DRICH1: variants seen among roughly 807,000 people sequenced by gnomAD.
DRICH1 encodes aspartate-rich protein 1.
Under a neutral mutation model 39.5 loss-of-function variants are expected in DRICH1, and 38 were observed. The ratio of observed to expected loss-of-function variants is 0.96; its 90% CI spans 0.74 to 1.26. The LOEUF is 1.26. DRICH1 is among the 50% of genes most tolerant of loss of function. The pLI, the probability that DRICH1 is intolerant of heterozygous loss-of-function variation, is 0.00. For synonymous variants in DRICH1, 84 were observed against 99.5 expected (o/e 0.84, Z 0.93); for missense variants, 279 against 270.4 (o/e 1.03, Z -0.22).
chr22:23,597,886 C>T, the DRICH1 span, among the ~76,000 whole-genome samples: 4 of 152,162 alleles, frequency 2.6e-5, no homozygotes, highest in South Asian at 2.1e-4. Flanking sequence ...CCCTGAAATA[C>T]GCTCCCCCTC....
At chr22:23,627,926 C>G (rs1294695419) in intron 1 of DRICH1, among the ~76,000 whole-genome samples, 2 of 152,162 alleles carry the variant, frequency 1.3e-5, no homozygotes, top group Admixed American at 6.5e-5. Flanking sequence ...CCCATGGGGC[C>G]TAACATGTTC....
chr22:23,585,963 G>A, the DRICH1 span, among the ~76,000 whole-genome samples: 1 of 152,186 alleles, frequency 6.6e-6, no homozygotes, highest in African/African-American at 2.4e-5. Context: ...ATTCTTGTCT[G>A]TTTTTTATCT....
At chr22:23,583,104 G>A in the DRICH1 span, 2 of 152,270 alleles carry the variant, frequency 1.3e-5, no homozygotes, top group African/African-American at 4.8e-5. Context: ...GAGGGATGGT[G>A]AGGGTTCCTG....
In DRICH1 at chr22:23,627,511, T is replaced by G. The variant is rs549013232; in HGVS notation, c.209-1463A>C. 2.6e-5 allele frequency among the ~76,000 whole-genome samples: 4 copies of G among 152,208 alleles called. No homozygotes were observed. In the East Asian group the frequency reaches 7.7e-4, roughly 29 times the overall value. ...CCTCCCCTGGTGTTTTCTTGCAAAA[T>G]AGTTTGCAGCTCTGCTCCTACCATA... On this transcript the variant is annotated intron_variant, in intron 1 of 11. Coordinates refer to ENST00000317749, the MANE Select transcript of DRICH1 (RefSeq NM_016449.4).
rs769250752 is a variant in DRICH1, at chr22:23,616,841, C to G, written c.541+12G>C. 5.6e-6 allele frequency: 9 copies of G among 1,613,962 alleles called. No individual in the cohort carries two copies. In the South Asian group the frequency reaches 8.8e-5, roughly 16 times the overall value. On this transcript the variant is annotated intron_variant, in intron 8 of 11. Transcript: ENST00000317749. ...TTGTTTCTCAGAAAGTGAGTTAGTT[C>G]AAGGTACATACCCTGGACAGGTGAC...
intron 11 of DRICH1, among the ~76,000 whole-genome samples, chr22:23,610,136 G>A (rs1244773432): frequency 1.3e-5 from 2 of 152,074 alleles, no homozygotes. Flanking sequence ...GCACGACGTG[G>A]TCTCCATGTG....
upstream of DRICH1, among the ~76,000 whole-genome samples, chr22:23,632,505 T>G (rs1336509373): frequency 2.0e-5 from 3 of 152,232 alleles, no homozygotes; most frequent in Non-Finnish European, 4.4e-5. Flanking sequence ...CTGTGGGGAC[T>G]GCACTACTCA....
chr22:23,606,805 T>C (rs1368745731), downstream of DRICH1, among the ~76,000 whole-genome samples: 1 of 152,162 alleles, frequency 6.6e-6, no homozygotes, highest in Non-Finnish European at 1.5e-5. Context: ...TGGCCCTCCC[T>C]GGGTCCTCTG....
downstream of DRICH1, chr22:23,606,994 G>C (rs1926766875): frequency 6.5e-6 from 1 of 152,906 alleles, no homozygotes; most frequent in African/African-American, 2.4e-5. Flanking sequence ...AACCAGCATG[G>C]GAGGGGGTGT....
chr22:23,619,713 A>T (rs1927598875), intron 5 of DRICH1, among the ~76,000 whole-genome samples: 1 of 151,452 alleles, frequency 6.6e-6, no homozygotes, highest in Admixed American at 6.6e-5. Context: ...AAAAAACAGA[A>T]TGCTGATAGA....
the DRICH1 span, among the ~76,000 whole-genome samples, chr22:23,586,378 C>G: frequency 1.3e-5 from 2 of 152,150 alleles, no homozygotes; most frequent in East Asian, 3.9e-4. Flanking sequence ...AGTCCCAGCT[C>G]CTTGGGAGGC....
At chr22:23,604,168 G>A (rs1468089391), downstream of DRICH1, among the ~76,000 whole-genome samples, 1 of 152,034 alleles carries the variant, frequency 6.6e-6, no homozygotes, top group Non-Finnish European at 1.5e-5. Flanking sequence ...CAGCCTCCAG[G>A]ACTCCCCAGA....
intron 3 of DRICH1, among the ~76,000 whole-genome samples, chr22:23,622,726 T>C (rs1307999648): frequency 2.0e-5 from 3 of 152,148 alleles, no homozygotes; most frequent in Admixed American, 6.5e-5. Flanking sequence ...AGTCATGATT[T>C]CCTCTTTGTA....
At chr22:23,623,735 G>C (rs1273619865) in intron 3 of DRICH1, among the ~76,000 whole-genome samples, 5 of 152,218 alleles carry the variant, frequency 3.3e-5, no homozygotes, top group Admixed American at 1.3e-4. Flanking sequence ...GCACATTCAT[G>C]AGATTGAAAT....
At chr22:23,595,061 A>G in the DRICH1 span, among the ~76,000 whole-genome samples, 1 of 149,394 alleles carries the variant, frequency 6.7e-6, no homozygotes, top group Non-Finnish European at 1.5e-5. Flanking sequence ...TCCACCACCC[A>G]GGTCCTCAGT....
the DRICH1 span, among the ~76,000 whole-genome samples, chr22:23,585,466 T>C: frequency 3.9e-5 from 6 of 152,254 alleles, no homozygotes; most frequent in South Asian, 1.0e-3. Context: ...TCCAAATATA[T>C]GAGGAGGTTC....
the DRICH1 span, among the ~76,000 whole-genome samples, chr22:23,598,462 C>T: frequency 6.6e-6 from 1 of 152,084 alleles, no homozygotes; most frequent in East Asian, 1.9e-4. Context: ...AACTGAGGCC[C>T]ACTGAAGGGA....
chr22:23,624,294 G>T, intron 3 of DRICH1: 7 of 985,200 alleles, frequency 7.1e-6, no homozygotes, highest in Non-Finnish European at 8.4e-6. Flanking sequence ...GGCACAGGCA[G>T]AAAAGAGCAG....
chr22:23,608,462 C>T lies in DRICH1; in HGVS notation c.*302G>A. On this transcript the variant is annotated 3_prime_UTR_variant, in exon 12 of 12. Transcript: ENST00000317749. Reference sequence around the variant, plus strand: ...ACCTCTGCACCTGAATAAATGCACTCAGTCTCTTTATTTCAAGTGGGAATG... The same window carrying T: ...ACCTCTGCACCTGAATAAATGCACTTAGTCTCTTTATTTCAAGTGGGAATG... 1 of 472,156 alleles carries T rather than the reference C, an allele frequency of 2.1e-6. No individual in the cohort carries two copies. The highest frequency in any genetic ancestry group is 3.8e-6 in the Non-Finnish European group (1 of 261,024). 29.2% of individuals were successfully genotyped at this position (472,156 alleles called of 1,614,324 possible). A position where few individuals can be genotyped will look rare whatever the true frequency, so the allele number is the denominator to read the frequency against.
Sources: allele counts gnomAD v4.1 joint callset (sites outside exome capture counted in the v4.1 genomes callset), GRCh38; gene constraint gnomAD v4.1.1; transcripts MANE v1.5; gene names NCBI Gene and HGNC (gene_info 2026-07-23, HGNC 2026-07-21).